CNTN4: variants seen among roughly 807,000 people sequenced by gnomAD.
CNTN4 encodes the protein contactin 4.
In CNTN4, 77 loss-of-function variants were observed where a neutral mutation model predicts 122.5. The ratio of observed to expected loss-of-function variants is 0.63; its 90% CI spans 0.52 to 0.76. CNTN4 has a LOEUF of 0.76. Among genes scored for constraint, CNTN4 ranks in the 30% least tolerant of loss-of-function variants. CNTN4 has a pLI of 0.00. For missense variants in CNTN4, 1,256 were observed against 1,259.1 expected (o/e 1.00, Z 0.04); for synonymous variants, 512 against 447.0 (o/e 1.15, Z -1.83).
intron 2 of CNTN4, among the ~76,000 whole-genome samples, chr3:2,250,428 G>A (rs1431337651): frequency 2.0e-5 from 3 of 151,876 alleles, no homozygotes; most frequent in Non-Finnish European, 1.5e-5. Context: ...TATTTATGCT[G>A]TAAGCCTCTT....
At chr3:2,601,252 T>C (rs1011975459) in intron 4 of CNTN4, among the ~76,000 whole-genome samples, 1 of 152,206 alleles carries the variant, frequency 6.6e-6, no homozygotes, top group Non-Finnish European at 1.5e-5. Context: ...TTGCTTTTGG[T>C]GTTTTAGTCA....
At chr3:2,228,115 G>T (rs1286192033) in intron 2 of CNTN4, among the ~76,000 whole-genome samples, 1 of 151,922 alleles carries the variant, frequency 6.6e-6, no homozygotes, top group Non-Finnish European at 1.5e-5. Context: ...AGTTACAAGT[G>T]ATTTTTTTTC....
intron 14 of CNTN4, among the ~76,000 whole-genome samples, chr3:3,011,042 G>T (rs1414090606): frequency 1.3e-5 from 2 of 152,188 alleles, no homozygotes; most frequent in African/African-American, 4.8e-5. Flanking sequence ...GTGACCCTGT[G>T]AGGTAAGCAA....
At chr3:2,925,165 C>CA (rs2094461584) in intron 12 of CNTN4, among the ~76,000 whole-genome samples, 1 of 152,158 alleles carries the variant, frequency 6.6e-6, no homozygotes, top group Non-Finnish European at 1.5e-5. Flanking sequence ...AATTATACCT[C>CA]AAAGTTTACT....
intron 23 of CNTN4, among the ~76,000 whole-genome samples, chr3:3,045,080 G>T (rs185625594): frequency 1.3e-5 from 2 of 152,194 alleles, no homozygotes; most frequent in Non-Finnish European, 2.9e-5. Context: ...GCAGCAGTGA[G>T]GCTGGGGGAG....
Position 2,848,859 on chromosome 3 carries a change from T to C in CNTN4, c.455-17893T>C, listed in dbSNP as rs933837592. 4.6e-5 allele frequency among the ~76,000 whole-genome samples: 7 copies of C among 152,316 alleles called. 1 individual carries two copies. The highest frequency in any genetic ancestry group is 1.3e-4 in the Admixed American group (2 of 15,302). On this transcript the variant is annotated intron_variant, in intron 7 of 24. Coordinates refer to ENST00000418658, the MANE Select transcript of CNTN4 (RefSeq NM_175607.3). Reference sequence around the variant, plus strand: ...GGTGGTGCTGGATAGAAAATGCTGATTGGGCAGCCAGACGACATAGGTCTA... The same window carrying C: ...GGTGGTGCTGGATAGAAAATGCTGACTGGGCAGCCAGACGACATAGGTCTA...
chr3:2,669,280 G>T (rs989674413), intron 4 of CNTN4, among the ~76,000 whole-genome samples: 7 of 152,276 alleles, frequency 4.6e-5, no homozygotes, highest in Admixed American at 1.3e-4. Context: ...CCTGTTATTG[G>T]TCTATTCAGA....
At chr3:2,204,101 T>C (rs545594107) in intron 2 of CNTN4, among the ~76,000 whole-genome samples, 1 of 152,324 alleles carries the variant, frequency 6.6e-6, no homozygotes, top group East Asian at 1.9e-4. Flanking sequence ...TTTTATAACA[T>C]GTATCTGAGT....
At chr3:2,229,144 G>C (rs1413849063) in intron 2 of CNTN4, among the ~76,000 whole-genome samples, 1 of 152,104 alleles carries the variant, frequency 6.6e-6, no homozygotes, top group Non-Finnish European at 1.5e-5. Flanking sequence ...GATGATGGTT[G>C]TTCATACTAA....
intron 3 of CNTN4, among the ~76,000 whole-genome samples, chr3:2,560,703 C>T (rs1421054127): frequency 2.6e-5 from 4 of 152,182 alleles, no homozygotes; most frequent in Admixed American, 1.3e-4. Context: ...TTGACTGATA[C>T]TGTTGCATTT....
intron 15 of CNTN4, among the ~76,000 whole-genome samples, chr3:3,028,996 T>G (rs1040493982): frequency 2.6e-5 from 4 of 151,500 alleles, no homozygotes; most frequent in South Asian, 2.1e-4. Context: ...TGGATTTTAG[T>G]GTACTACGGT....
chr3:2,821,971 C>T (rs1378448021), intron 7 of CNTN4, among the ~76,000 whole-genome samples: 2 of 152,342 alleles, frequency 1.3e-5, no homozygotes, highest in Admixed American at 1.3e-4. Flanking sequence ...TCTGAGCTAA[C>T]ATTTCCAGCA....
intron 13 of CNTN4, among the ~76,000 whole-genome samples, chr3:2,978,755 C>T (rs7642377): frequency 0.45 from 68,123 of 151,866 alleles, 17,968 homozygotes; most frequent in African/African-American, 0.75. Flanking sequence ...TCTAGGGCAT[C>T]GCTGATGGCC....
intron 16 of CNTN4, among the ~76,000 whole-genome samples, chr3:3,033,100 T>A (rs1018274082): frequency 1.3e-5 from 2 of 152,178 alleles, no homozygotes; most frequent in African/African-American, 2.4e-5. Flanking sequence ...ACTTTTCTAT[T>A]TGTGGTACTT....
chr3:2,894,873 T>C (rs2151078475), intron 10 of CNTN4, among the ~76,000 whole-genome samples: 1 of 152,322 alleles, frequency 6.6e-6, no homozygotes, highest in Middle Eastern at 3.4e-3. Context: ...AGTTCTGAAC[T>C]GACTTATTGG....
Position 2,761,258 on chromosome 3 carries a change from A to T in CNTN4, c.358+15561A>T, listed in dbSNP as rs183160934. ...CTTTCAGTCTTCCTGTTGGCCTTGT[A>T]CTTGCTATTCCCTTTATCTAGGACC... On this transcript the variant is annotated intron_variant, in intron 6 of 24. Transcript: ENST00000418658. Among the ~76,000 whole-genome samples, 887 of 152,268 alleles carry T rather than the reference A, an allele frequency of 5.8e-3. 4 individuals are homozygous for T. Among genetic ancestry groups the T allele is most frequent in the Non-Finnish European group, 9.5e-3 (648 of 68,014 alleles).
chr3:2,854,366 C>G (rs1200506990), intron 7 of CNTN4, among the ~76,000 whole-genome samples: 1 of 149,948 alleles, frequency 6.7e-6, no homozygotes, highest in Non-Finnish European at 1.5e-5. Context: ...TTCACCTCCC[C>G]GGTTCAAGAG....
At chr3:2,896,770 T>C (rs1026456308) in intron 10 of CNTN4, among the ~76,000 whole-genome samples, 1 of 152,118 alleles carries the variant, frequency 6.6e-6, no homozygotes, top group Non-Finnish European at 1.5e-5. Flanking sequence ...AGCCAAGTAA[T>C]TATCTCCAGA....
At chr3:2,551,413 TACAC>T (rs983850085) in intron 3 of CNTN4, among the ~76,000 whole-genome samples, 6 of 151,886 alleles carry the variant, frequency 4.0e-5, no homozygotes, top group African/African-American at 1.2e-4. Flanking sequence ...CACACACAAA[TACAC>T]ACAAGATTTT....
Sources: gnomAD v4.1 joint callset for allele counts (sites outside exome capture counted in the v4.1 genomes callset) on GRCh38, gnomAD v4.1.1 for gene constraint, MANE v1.5 for transcripts, NCBI Gene and HGNC (gene_info 2026-07-23, HGNC 2026-07-21) for gene names.